CDH4: variants seen among roughly 807,000 people sequenced by gnomAD.
CDH4 encodes cadherin-4.
CDH4 carries 33 observed loss-of-function variants against 86.0 expected under a neutral mutation model. The observed-to-expected ratio is 0.38, with a 90% CI of 0.29 to 0.51. The LOEUF (loss-of-function observed/expected upper bound fraction) is 0.51, where lower values mean the gene tolerates loss of function less well. Among genes scored for constraint, CDH4 ranks in the 20% least tolerant of loss-of-function variants. The pLI is 0.86. For synonymous variants in CDH4, 555 were observed against 549.4 expected (o/e 1.01, Z -0.14); for missense variants, 1,114 against 1,307.4 (o/e 0.85, Z 2.28).
intron 2 of CDH4, among the ~76,000 whole-genome samples, chr20:61,307,929 C>A (rs1256472856): frequency 2.0e-5 from 3 of 152,204 alleles, no homozygotes; most frequent in Admixed American, 6.5e-5. Context: ...GTACTCTTCA[C>A]AGATATCTGG....
intron 14 of CDH4, 32 bp from the exon 15 acceptor site, chr20:61,934,024 T>G (rs576807855): frequency 6.2e-7 from 1 of 1,607,222 alleles, no homozygotes; most frequent in African/African-American, 1.3e-5. Flanking sequence ...ATTCTTCTGA[T>G]GCCCCTGACT....
intron 2 of CDH4, among the ~76,000 whole-genome samples, chr20:61,443,950 G>T (rs372953555): frequency 9.3e-6 from 1 of 106,994 alleles, no homozygotes; most frequent in Non-Finnish European, 1.9e-5. Context: ...ATATCTGTGT[G>T]TGTGTCTGTG....
chr20:61,751,246 G>A (rs1438103100), intron 3 of CDH4, among the ~76,000 whole-genome samples: 3 of 152,150 alleles, frequency 2.0e-5, no homozygotes, highest in Non-Finnish European at 4.4e-5. Context: ...CAGACTCCTG[G>A]CCTCTACCCA....
chr20:61,772,667 A>G (rs2088787856), intron 3 of CDH4, among the ~76,000 whole-genome samples: 1 of 151,890 alleles, frequency 6.6e-6, no homozygotes, highest in African/African-American at 2.4e-5. Context: ...TTCTTTTGTG[A>G]TCTCTTGCAT....
chr20:61,444,273 GTATGTGTA>G (rs1249894631), intron 2 of CDH4, among the ~76,000 whole-genome samples: 858 of 41,996 alleles, frequency 0.02, 2 homozygotes, highest in East Asian at 0.058. Flanking sequence ...GTGTGTGTGT[GTATGTGTA>G]TGTATGTGTG....
At chr20:61,915,479 C>T (rs927825835) in intron 9 of CDH4, among the ~76,000 whole-genome samples, 3 of 152,330 alleles carry the variant, frequency 2.0e-5, no homozygotes, top group South Asian at 2.1e-4. Flanking sequence ...ACCCAGCTGA[C>T]GGTCCCCAGC....
At chr20:61,778,409 A>G (rs1306872044) in intron 4 of CDH4, among the ~76,000 whole-genome samples, 1 of 152,196 alleles carries the variant, frequency 6.6e-6, no homozygotes, top group African/African-American at 2.4e-5. Context: ...TTCCCCAAAA[A>G]AAGTCTGTTA....
chr20:61,474,829 G>A lies in CDH4; in HGVS notation c.169+219892G>A, dbSNP rs111612574. 3.3e-5 allele frequency among the ~76,000 whole-genome samples: 5 copies of A among 152,246 alleles called. 1 individual carries two copies. The highest frequency in any genetic ancestry group is 2.0e-4 in the Admixed American group (3 of 15,294). The stretch of plus-strand genomic sequence containing the variant: ...TGCTAGCAGCAAATACTCTAGAGCT[G>A]TCTGTTGTTTCTGCCTTGGATGAGA... On this transcript the variant is annotated intron_variant, in intron 2 of 15. Transcript: ENST00000614565.
intron 3 of CDH4, among the ~76,000 whole-genome samples, chr20:61,747,042 T>C (rs1255466131): frequency 6.6e-6 from 1 of 152,220 alleles, no homozygotes. Context: ...CCTTCAGCTG[T>C]GCCCATCTCC....
intron 2 of CDH4, among the ~76,000 whole-genome samples, chr20:61,416,191 A>G (rs1350490852): frequency 6.6e-6 from 1 of 151,290 alleles, no homozygotes; most frequent in African/African-American, 2.4e-5. Flanking sequence ...TAGTAGAGAC[A>G]GGGTTTCACC....
chr20:61,782,028 C>T (rs918419538), intron 4 of CDH4, among the ~76,000 whole-genome samples: 7 of 152,106 alleles, frequency 4.6e-5, no homozygotes, highest in Non-Finnish European at 1.0e-4. Flanking sequence ...AAGGTGAAGC[C>T]GGGCATGGTG....
intron 2 of CDH4, among the ~76,000 whole-genome samples, chr20:61,527,343 G>A (rs1283349701): frequency 3.3e-5 from 5 of 151,868 alleles, no homozygotes; most frequent in South Asian, 2.1e-4. Context: ...TCCACTTCCC[G>A]GGTTCAAGCA....
chr20:61,657,661 A>T (rs762062213), intron 2 of CDH4, among the ~76,000 whole-genome samples: 25 of 152,254 alleles, frequency 1.6e-4, no homozygotes, highest in Non-Finnish European at 3.2e-4. Flanking sequence ...TGGGCCTTCC[A>T]TGGCTTTGTG....
chr20:61,628,388 G>C lies in CDH4; in HGVS notation c.170-115175G>C, dbSNP rs538758882. Among the ~76,000 whole-genome samples, 7 of 152,188 alleles carry C rather than the reference G, an allele frequency of 4.6e-5. No homozygotes were observed. In the East Asian group the frequency reaches 1.4e-3, roughly 29 times the overall value. ...GTCAAAGCGACTTCAGGGATCACCT[G>C]CCTGCAGCTGGCTTCCCCACTGCAC... On this transcript the variant is annotated intron_variant, in intron 2 of 15. Transcript: ENST00000614565.
chr20:61,793,462 A>G (rs765900567), intron 4 of CDH4, among the ~76,000 whole-genome samples: 16 of 152,192 alleles, frequency 1.1e-4, no homozygotes, highest in Admixed American at 2.0e-4. Context: ...ATAATAAGAG[A>G]CATTGAGAAA....
Position 61,829,480 on chromosome 20 carries a change from G to A in CDH4, c.577-15188G>A, listed in dbSNP as rs375276599. ...CACGTCTGTGTGCAAGGCTTTCTGT[G>A]GACAGATGTTGATTCTTAGGGTGTC... is the stretch of plus-strand genomic sequence containing the variant. On this transcript the variant is annotated intron_variant, in intron 4 of 15. Coordinates refer to ENST00000614565, the MANE Select transcript of CDH4 (RefSeq NM_001794.5). This position sits in a 1 kb window ranked among gnomAD's most constrained non-coding sequence, Gnocchi z 4.2. Among the ~76,000 whole-genome samples, 4 of 152,214 alleles carry A rather than the reference G, an allele frequency of 2.6e-5. No homozygotes were observed. Among genetic ancestry groups the A allele is most frequent in the East Asian group, 3.9e-4 (2 of 5,194 alleles).
Position 61,652,797 on chromosome 20 carries a change from GA to G in CDH4, c.170-90754del, listed in dbSNP as rs10668889. Among the ~76,000 whole-genome samples, 451 of 128,114 alleles carry G rather than the reference GA, an allele frequency of 3.5e-3. 1 individual carries two copies. The highest frequency in any genetic ancestry group is 7.0e-3 in the South Asian group (27 of 3,868). The allele number at this position is 128,114 out of a possible 152,430, so 84.0% of individuals were successfully genotyped here. A position where few individuals can be genotyped will look rare whatever the true frequency, so the allele number is the denominator to read the frequency against. ...ATTCATGGGGTGATTTTTTTCAAATGAAAAAAAAAAAATACATTTTCCTTTC... is the reference window on the plus strand; with the variant it reads ...ATTCATGGGGTGATTTTTTTCAAATGAAAAAAAAAAATACATTTTCCTTTC... On this transcript the variant is annotated intron_variant, in intron 2 of 15. Transcript: ENST00000614565.
intron 2 of CDH4, among the ~76,000 whole-genome samples, chr20:61,542,182 T>C (rs1168382995): frequency 6.6e-6 from 1 of 152,144 alleles, no homozygotes; most frequent in Non-Finnish European, 1.5e-5. Flanking sequence ...TGGGGGCAGG[T>C]TGTTAATTCA....
intron 2 of CDH4, among the ~76,000 whole-genome samples, chr20:61,699,173 G>GT (rs2087746538): frequency 2.6e-5 from 4 of 152,242 alleles, no homozygotes; most frequent in African/African-American, 9.6e-5. Flanking sequence ...CAGGCGCTCT[G>GT]ACCTTCTCCG....
Sources: allele counts gnomAD v4.1 joint callset (sites outside exome capture counted in the v4.1 genomes callset), GRCh38; gene constraint gnomAD v4.1.1; non-coding constraint Gnocchi (gnomAD v3.1); transcripts MANE v1.5; gene names NCBI Gene and HGNC (gene_info 2026-07-23, HGNC 2026-07-21).